The following FER variants were observed in gnomAD, a reference collection of about 807,000 sequenced individuals.
FER encodes FER tyrosine kinase, also known as tyrosine-protein kinase Fer.
Under a neutral mutation model 111.0 loss-of-function variants are expected in FER, and 63 were observed. The ratio of observed to expected loss-of-function variants is 0.57; its 90% CI spans 0.46 to 0.70. FER has a LOEUF of 0.70. Among genes scored for constraint, FER ranks in the 30% least tolerant of loss-of-function variants. The pLI, the probability that FER is intolerant of heterozygous loss-of-function variation, is 0.00. For missense variants in FER, 914 were observed against 954.0 expected, an observed-to-expected ratio of 0.96 and a Z score of 0.55; for synonymous variants, 327 against 313.9, an observed-to-expected ratio of 1.04 and a Z score of -0.44.
In FER at chr5:109,194,331, T is replaced by G. The variant is rs1406908456; in HGVS notation, c.*6756T>G. 6.6e-6 allele frequency: 1 copy of G among 152,156 alleles called. No homozygotes were observed. Among genetic ancestry groups the G allele is most frequent in the Non-Finnish European group, 1.5e-5 (1 of 68,034 alleles). The allele number at this position is 152,156 out of a possible 1,614,324, so 9.4% of individuals were successfully genotyped here. A position where few individuals can be genotyped will look rare whatever the true frequency, so the allele number is the denominator to read the frequency against. ...AAAAGAGGGCAGCAAATATGAAGCC[T>G]TAAGTTCAAAATAAGTCATTCTACC... is the stretch of plus-strand genomic sequence containing the variant. On this transcript the variant is annotated 3_prime_UTR_variant, in exon 20 of 20. Coordinates refer to ENST00000281092, the MANE Select transcript of FER (RefSeq NM_005246.4).
At chr5:109,017,617 T>C (rs756481328) in intron 13 of FER, among the ~76,000 whole-genome samples, 5 of 151,974 alleles carry the variant, frequency 3.3e-5, no homozygotes, top group Non-Finnish European at 7.4e-5. Flanking sequence ...TTAGCTTGGG[T>C]CCAAATCAAA....
chr5:108,863,132 G>C (rs1001546250), intron 5 of FER, among the ~76,000 whole-genome samples: 8 of 151,354 alleles, frequency 5.3e-5, no homozygotes, highest in Admixed American at 1.3e-4. Context: ...CTTTTTTTTT[G>C]TTTGTTTGAC....
At chr5:108,756,798 T>C (rs937693196) in intron 1 of FER, among the ~76,000 whole-genome samples, 1 of 152,094 alleles carries the variant, frequency 6.6e-6, no homozygotes, top group Non-Finnish European at 1.5e-5. Context: ...TTTTGTTTTG[T>C]TTTTGTATAG....
intron 4 of FER, among the ~76,000 whole-genome samples, chr5:108,835,256 A>T (rs1263499607): frequency 3.4e-5 from 4 of 117,474 alleles, no homozygotes; most frequent in Non-Finnish European, 1.6e-5. Flanking sequence ...ATCTTGGCTC[A>T]TTGCAACCTC....
intron 2 of FER, among the ~76,000 whole-genome samples, chr5:108,797,199 A>G (rs566471894): frequency 6.6e-6 from 1 of 152,092 alleles, no homozygotes; most frequent in Admixed American, 6.5e-5. Context: ...GCGCCTAATG[A>G]CTGCCCAGTG....
intron 19 of FER, 98 bp from the exon 20 acceptor site, chr5:109,187,335 A>T: frequency 7.9e-7 from 1 of 1,271,994 alleles, no homozygotes; most frequent in Non-Finnish European, 1.1e-6. Context: ...TAACTACAAC[A>T]TAAGGTACCA....
At chr5:109,051,977 A>G in intron 16 of FER, 4 of 1,587,206 alleles carry the variant, frequency 2.5e-6, no homozygotes, top group African/African-American at 1.3e-5. Flanking sequence ...ATAGACTTGA[A>G]GAGGATACTG....
At chr5:108,929,097 A>G (rs1257335204) in intron 10 of FER, among the ~76,000 whole-genome samples, 1 of 152,112 alleles carries the variant, frequency 6.6e-6, no homozygotes, top group Non-Finnish European at 1.5e-5. Context: ...GGGAAAGAGG[A>G]AAAGTATGAA....
At chr5:108,845,005 T>C (rs192621060) in intron 5 of FER, among the ~76,000 whole-genome samples, 436 of 19,790 alleles carry the variant, frequency 0.022, 4 homozygotes, top group Non-Finnish European at 0.033. Flanking sequence ...TGTATATATA[T>C]ATATATATAT....
At chr5:109,084,955 C>T (rs1777396256) in intron 16 of FER, among the ~76,000 whole-genome samples, 2 of 151,740 alleles carry the variant, frequency 1.3e-5, no homozygotes, top group Non-Finnish European at 3.0e-5. Context: ...TATCCTGAAA[C>T]CAAAAACCGT....
intron 13 of FER, among the ~76,000 whole-genome samples, chr5:108,987,900 T>C (rs1288727308): frequency 6.6e-6 from 1 of 152,166 alleles, no homozygotes; most frequent in Non-Finnish European, 1.5e-5. Context: ...TTTCAACTTT[T>C]TCCCATTCAA....
At chr5:108,941,626 C>G (rs1289567238) in intron 10 of FER, among the ~76,000 whole-genome samples, 1 of 152,046 alleles carries the variant, frequency 6.6e-6, no homozygotes, top group African/African-American at 2.4e-5. Flanking sequence ...GTTAAGATAC[C>G]TTGATAATCT....
At chr5:108,960,564 A>G (rs185220415) in intron 13 of FER, among the ~76,000 whole-genome samples, 3 of 152,054 alleles carry the variant, frequency 2.0e-5, no homozygotes, top group Admixed American at 2.0e-4. Context: ...TATATATATA[A>G]ATCTTTCAAT....
chr5:109,102,048 C>G (rs1227993117), intron 17 of FER, among the ~76,000 whole-genome samples: 1 of 152,048 alleles, frequency 6.6e-6, no homozygotes, highest in Non-Finnish European at 1.5e-5. Context: ...GTTTCAATCT[C>G]TTGCTACTTT....
At chr5:108,830,408 T>G (rs1759915995) in intron 3 of FER, among the ~76,000 whole-genome samples, 1 of 152,082 alleles carries the variant, frequency 6.6e-6, no homozygotes, top group Non-Finnish European at 1.5e-5. Flanking sequence ...GAGTGGAGAT[T>G]GCGTGACTGC....
intron 13 of FER, among the ~76,000 whole-genome samples, chr5:109,036,218 A>G (rs4957795): frequency 0.49 from 73,753 of 151,846 alleles, 20,633 homozygotes; most frequent in African/African-American, 0.77. Flanking sequence ...AGAAACCTTC[A>G]CTTACCCACT....
chr5:109,112,122 T>G (rs1405772510), intron 17 of FER, among the ~76,000 whole-genome samples: 1 of 152,184 alleles, frequency 6.6e-6, no homozygotes, highest in African/African-American at 2.4e-5. Context: ...AATGTTAACC[T>G]ACCTCACAGT....
chr5:109,082,664 AC>A (rs1418186419), intron 16 of FER, among the ~76,000 whole-genome samples: 4 of 151,696 alleles, frequency 2.6e-5, no homozygotes, highest in Non-Finnish European at 5.9e-5. Flanking sequence ...TTTCATTAAA[AC>A]CCCAAGTGTT....
intron 3 of FER, among the ~76,000 whole-genome samples, chr5:108,824,966 G>T (rs1759299331): frequency 6.6e-6 from 1 of 152,026 alleles, no homozygotes; most frequent in Non-Finnish European, 1.5e-5. Context: ...ACAAAAACCA[G>T]CAAGTTTTTA....
Sources: gnomAD v4.1 joint callset for allele counts (sites outside exome capture counted in the v4.1 genomes callset) on GRCh38, gnomAD v4.1.1 for gene constraint, MANE v1.5 for transcripts, NCBI Gene and HGNC (gene_info 2026-07-23, HGNC 2026-07-21) for gene names.